ASAP3: variants seen among roughly 807,000 people sequenced by gnomAD.
ASAP3 encodes the protein arf-GAP with SH3 domain, ANK repeat and PH domain-containing protein 3.
Under a neutral mutation model 118.2 loss-of-function variants are expected in ASAP3, and 85 were observed. The observed-to-expected ratio is 0.72, with a 90% CI of 0.60 to 0.86. The LOEUF is 0.86. ASAP3 is among the 40% of genes least tolerant of loss of function. ASAP3 has a pLI of 0.00. For synonymous variants in ASAP3, 432 were observed against 477.4 expected (o/e 0.90, Z 1.24); for missense variants, 1,026 against 1,175.0 (o/e 0.87, Z 1.85).
upstream of ASAP3, chr1:23,484,407 G>GC (rs1336067929): frequency 4.5e-5 from 11 of 244,572 alleles, no homozygotes; most frequent in Admixed American, 1.2e-4. Flanking sequence ...CCCCTCGCCG[G>GC]CCCCCTAGGC....
At chr1:23,442,383 T>C in intron 6 of ASAP3, 112 bp from the exon 7 acceptor site, 1 of 1,579,328 alleles carries the variant, frequency 6.3e-7, no homozygotes. Flanking sequence ...TGGGCCTTGG[T>C]GACATCCCAC....
rs1558115696 is a variant in ASAP3, at chr1:23,436,608, G to GA, written c.1522_1523insT (p.Ala508ValfsTer10). 1 of 1,614,110 alleles carries GA rather than the reference G, an allele frequency of 6.2e-7. No homozygotes were observed. Among genetic ancestry groups the GA allele is most frequent in the Non-Finnish European group, 8.5e-7 (1 of 1,180,050 alleles). On this transcript the variant is annotated frameshift_variant, in exon 16 of 25. Transcript: ENST00000336689. LOFTEE classifies it high-confidence loss of function. This position sits in a 1 kb window ranked among gnomAD's most constrained non-coding sequence, Gnocchi z 4.2. ...AGGGCCGCCGTGTGAGGGTAGCTGG[G>GA]CCTCCATGACCTCATTGAAGCTCGT...
chr1:23,436,094 TC>T lies in ASAP3; in HGVS notation c.1572-67del. ...TCTGCCCAGCTGATCCCTGGGGCCC[TC>T]CCACAGGAGATACAGCTCTCTTTTT... On this transcript the variant is annotated intron_variant, in intron 16 of 24. Coordinates refer to ENST00000336689, the MANE Select transcript of ASAP3 (RefSeq NM_017707.4). The surrounding 1 kb of genome is among the most constrained non-coding windows in gnomAD (Gnocchi z 4.2). 1 of 1,539,320 alleles carries T rather than the reference TC, an allele frequency of 6.5e-7. No individual in the cohort carries two copies. The highest frequency in any genetic ancestry group is 9.0e-7 in the Non-Finnish European group (1 of 1,115,288).
intron 1 of ASAP3, among the ~76,000 whole-genome samples, chr1:23,457,074 C>A (rs1350291471): frequency 6.6e-6 from 1 of 152,144 alleles, no homozygotes; most frequent in Non-Finnish European, 1.5e-5. Context: ...TTGCGAAATG[C>A]ACAGTTAACT....
intron 1 of ASAP3, among the ~76,000 whole-genome samples, chr1:23,458,614 C>G (rs899677314): frequency 6.6e-6 from 1 of 150,934 alleles, no homozygotes; most frequent in Non-Finnish European, 1.5e-5. Context: ...GCAAAGCAAA[C>G]AAACAAAAAA....
chr1:23,441,492 G>A lies in ASAP3; in HGVS notation c.748-19C>T. 3 of 1,613,496 alleles carry A rather than the reference G, an allele frequency of 1.9e-6. No individual in the cohort carries two copies. Among genetic ancestry groups the A allele is most frequent in the South Asian group, 1.1e-5 (1 of 91,000 alleles). The stretch of plus-strand genomic sequence containing the variant: ...GATGGAGCTATGGGACAGAGGATGG[G>A]ATCCCATCACCAGCCAACAAATATG... On this transcript the variant is annotated intron_variant, in intron 8 of 24. Transcript: ENST00000336689.
In ASAP3 at chr1:23,435,942, G is replaced by A. The variant is rs1640634875; in HGVS notation, c.1658C>T (p.Thr553Ile). 2 of 1,614,150 alleles carry A rather than the reference G, an allele frequency of 1.2e-6. No individual in the cohort carries two copies. Among genetic ancestry groups the A allele is most frequent in the Non-Finnish European group, 1.7e-6 (2 of 1,180,062 alleles). The change falls in exon 17 of 25, where the codon ACA (threonine) becomes ATA (isoleucine). Residue 553 changes from threonine to isoleucine, a missense_variant. Physicochemically the swap from Thr to Ile is moderately conservative, Grantham distance 89. Transcript: ENST00000336689. Reference protein sequence around the residue: ...RCTPEPQRLWTAICNRDLLSV... With the variant: ...RCTPEPQRLWIAICNRDLLSV... Reference sequence around the variant, plus strand: ...CAGGAGGTCCCTGTTGCAAATGGCTGTCCAGAGTCGCTGAGGCTCAGGTGT... The same window carrying A: ...CAGGAGGTCCCTGTTGCAAATGGCTATCCAGAGTCGCTGAGGCTCAGGTGT...
intron 1 of ASAP3, among the ~76,000 whole-genome samples, chr1:23,460,506 CAAAA>C (rs71023213): frequency 2.4e-5 from 2 of 84,792 alleles, no homozygotes; most frequent in Admixed American, 1.4e-4. Context: ...GACTCCATCT[CAAAA>C]AAAAAAAAAA....
At chr1:23,455,491 G>A (rs1224013277) in intron 3 of ASAP3, among the ~76,000 whole-genome samples, 1 of 152,184 alleles carries the variant, frequency 6.6e-6, no homozygotes, top group Admixed American at 6.5e-5. Context: ...GAGGGAGTGA[G>A]GAGAGGAGGA....
chr1:23,482,944 T>A (rs1642357701), intron 1 of ASAP3, among the ~76,000 whole-genome samples: 1 of 146,902 alleles, frequency 6.8e-6, no homozygotes, highest in African/African-American at 2.6e-5. Context: ...ACAGCGAGAC[T>A]CCGTCTCAAA....
chr1:23,482,634 C>A (rs1437488388), intron 1 of ASAP3, among the ~76,000 whole-genome samples: 1 of 152,202 alleles, frequency 6.6e-6, no homozygotes, highest in Admixed American at 6.5e-5. Context: ...AAATGGCAAA[C>A]TGCAGAGCCA....
chr1:23,454,210 G>A (rs184488791), intron 3 of ASAP3, among the ~76,000 whole-genome samples: 88 of 140,892 alleles, frequency 6.2e-4, no homozygotes, highest in Non-Finnish European at 1.1e-3. Flanking sequence ...TTTTTGAGAT[G>A]GAATCTCGCT....
chr1:23,438,875 G>A lies in ASAP3; in HGVS notation c.1015-41C>T, dbSNP rs1640768272. On this transcript the variant is annotated intron_variant, in intron 11 of 24. Transcript: ENST00000336689. The surrounding 1 kb of genome is among the most constrained non-coding windows in gnomAD (Gnocchi z 4.9). ...GGCGGAGGATGTATGCATTACCTCT[G>A]GCCCTCCACATTCTTTAGGCCTCCA... 2 of 1,587,036 alleles carry A rather than the reference G, an allele frequency of 1.3e-6. No individual in the cohort carries two copies. Among genetic ancestry groups the A allele is most frequent in the Non-Finnish European group, 1.7e-6 (2 of 1,155,852 alleles).
chr1:23,439,287 T>C, intron 10 of ASAP3, 57 bp from the exon 11 acceptor site: 1 of 1,562,240 alleles, frequency 6.4e-7, no homozygotes, highest in East Asian at 2.3e-5. Context: ...AGTTCGCAGG[T>C]GTCAGAGAAC....
intron 5 of ASAP3, among the ~76,000 whole-genome samples, chr1:23,447,358 A>G (rs1198441): frequency 0.87 from 133,158 of 152,216 alleles, 58,329 homozygotes; most frequent in Middle Eastern, 0.92. Flanking sequence ...TATTACTATT[A>G]TTGTTCATCT....
chr1:23,482,898 G>A (rs574451428), intron 1 of ASAP3, among the ~76,000 whole-genome samples: 1 of 151,524 alleles, frequency 6.6e-6, no homozygotes, highest in South Asian at 2.1e-4. Flanking sequence ...TTTGCATTGA[G>A]CCAAGATCGC....
At chr1:23,446,209 A>G (rs886258045) in intron 5 of ASAP3, among the ~76,000 whole-genome samples, 1 of 152,168 alleles carries the variant, frequency 6.6e-6, no homozygotes, top group Admixed American at 6.5e-5. Flanking sequence ...ACCACAATAC[A>G]GTACAGTGGT....
At chr1:23,435,697 C>T in intron 17 of ASAP3, 154 bp downstream of exon 17, 1 of 887,570 alleles carries the variant, frequency 1.1e-6, no homozygotes, top group African/African-American at 1.6e-5. Flanking sequence ...GTCTGCCTGA[C>T]TGAAGCTGTG....
chr1:23,483,965 C>T (rs1642400404), intron 1 of ASAP3, 40 bp downstream of exon 1: 1 of 1,251,284 alleles, frequency 8.0e-7, no homozygotes, highest in Non-Finnish European at 1.0e-6. Flanking sequence ...AGGCCAGGCC[C>T]GGCGCCGACC....
Sources: gnomAD v4.1 joint callset for allele counts (sites outside exome capture counted in the v4.1 genomes callset) on GRCh38, gnomAD v4.1.1 for gene constraint, Gnocchi (gnomAD v3.1) non-coding constraint, MANE v1.5 for transcripts, NCBI Gene and HGNC (gene_info 2026-07-23, HGNC 2026-07-21) for gene names.